PLXNA3: variants seen among roughly 807,000 people sequenced by gnomAD.
PLXNA3 encodes plexin A3, also known as plexin-A3.
A neutral mutation model predicts 118.8 loss-of-function variants in PLXNA3; 52 were observed. That is an observed-to-expected ratio of 0.44 (90% CI 0.35 to 0.55). The LOEUF (loss-of-function observed/expected upper bound fraction) is 0.55. Among genes scored for constraint, PLXNA3 ranks in the 20% least tolerant of loss-of-function variants. The pLI is 0.01. For missense variants in PLXNA3, 1,660 were observed against 1,730.8 expected, an observed-to-expected ratio of 0.96 and a Z score of 0.73; for synonymous variants, 925 against 762.4, an observed-to-expected ratio of 1.21 and a Z score of -3.51.
At chrX:154,470,869 T>TGGTC in intron 30 of PLXNA3, 1 of 445,843 alleles carries the variant, frequency 2.2e-6, no homozygotes, top group Admixed American at 4.0e-5. Flanking sequence ...GAGATGCTGG[T>TGGTC]GGTCGGTCGC....
In PLXNA3 at chrX:154,466,085, G is replaced by C; in HGVS notation, c.2678+5G>C. 1.7e-6 allele frequency: 2 copies of C among 1,208,970 alleles called. No homozygotes were observed. The highest frequency in any genetic ancestry group is 1.1e-6 in the Non-Finnish European group (1 of 894,008). ...CGAGTACATCAGTGCTGAGAGGTGA[G>C]TGCGGCTCTGTGGGTGCCCGGGCCG... On this transcript the variant is annotated splice_donor_5th_base_variant and intron_variant, in intron 14 of 32. Transcript: ENST00000369682.
Position 154,468,566 on chromosome X carries a change from G to A in PLXNA3, c.4220+7G>A. 1.7e-6 allele frequency: 2 copies of A among 1,208,826 alleles called. No individual in the cohort carries two copies. Among genetic ancestry groups the A allele is most frequent in the African/African-American group, 1.7e-5 (1 of 57,585 alleles). Reference sequence around the variant, plus strand: ...CCAAGCTGCTGCTACGCAGGTACCTGCCTTGCTCTATCCAGGCCACACCTT... The same window carrying A: ...CCAAGCTGCTGCTACGCAGGTACCTACCTTGCTCTATCCAGGCCACACCTT... On this transcript the variant is annotated splice_region_variant and intron_variant, in intron 23 of 32. Coordinates refer to ENST00000369682, the MANE Select transcript of PLXNA3 (RefSeq NM_017514.5).
At chrX:154,466,906 G>A (rs2069095710) in intron 17 of PLXNA3, 113 bp downstream of exon 17, 2 of 857,525 alleles carry the variant, frequency 2.3e-6, no homozygotes, top group Admixed American at 3.2e-5. Context: ...TTGGTGGAGG[G>A]GGTGGAGCTG....
rs782646925 is a variant in PLXNA3, at chrX:154,470,236, A to G, written c.4986+69A>G. 3.0e-5 allele frequency: 33 copies of G among 1,085,900 alleles called. 1 individual carries two copies. In the South Asian group the frequency reaches 4.8e-4, roughly 16 times the overall value. 89.5% of individuals were successfully genotyped at this position (1,085,900 alleles called of 1,213,427 possible). A position where few individuals can be genotyped will look rare whatever the true frequency, so the allele number is the denominator to read the frequency against. ...GTCCCGGCCTTACAGGGGAGGGGCC[A>G]TGGATCATTTGCTTCCAGTGGGCCT... On this transcript the variant is annotated intron_variant, in intron 29 of 32. Coordinates refer to ENST00000369682, the MANE Select transcript of PLXNA3 (RefSeq NM_017514.5).
At chrX:154,462,948 G>T (rs181816222) in intron 4 of PLXNA3, among the ~76,000 whole-genome samples, 1 of 111,300 alleles carries the variant, frequency 9.0e-6, no homozygotes, top group Non-Finnish European at 1.9e-5. Flanking sequence ...GCAGGGAAGG[G>T]TTTGTGGAGA....
Position 154,461,085 on chromosome X carries a change from C to T in PLXNA3, c.595-14C>T, listed in dbSNP as rs782167938. The T allele has an allele frequency of 1.7e-5, 20 of 1,178,146 alleles. No homozygotes were observed. Among genetic ancestry groups the T allele is most frequent in the Middle Eastern group, 2.4e-4 (1 of 4,225 alleles). ...GGGCCTCACCGGATGCTGTCTCCTC[C>T]CCCTGCTCCCCAGGTGTACCAGGAT... On this transcript the variant is annotated splice_polypyrimidine_tract_variant and intron_variant, in intron 2 of 32. Transcript: ENST00000369682.
intron 12 of PLXNA3, 45 bp from the exon 13 acceptor site, chrX:154,465,612 T>G: frequency 8.4e-7 from 1 of 1,185,945 alleles, no homozygotes; most frequent in Non-Finnish European, 1.1e-6. Context: ...CTTTCCACTT[T>G]TCTGCCACTG....
At chrX:154,466,595 G>A (rs781930241) in intron 16 of PLXNA3, 28 bp from the exon 17 acceptor site, 135 of 1,192,818 alleles carry the variant, frequency 1.1e-4, no homozygotes, top group Middle Eastern at 4.7e-4. Context: ...TGGGCCACCC[G>A]CTCCAAGCAC....
chrX:154,466,594 C>T (rs782757513), intron 16 of PLXNA3, 29 bp from the exon 17 acceptor site: 13 of 1,192,630 alleles, frequency 1.1e-5, no homozygotes, highest in South Asian at 3.7e-5. Context: ...CTGGGCCACC[C>T]GCTCCAAGCA....
intron 4 of PLXNA3, 57 bp downstream of exon 4, chrX:154,462,367 G>A: frequency 4.3e-6 from 3 of 696,007 alleles, no homozygotes; most frequent in Non-Finnish European, 5.8e-6. Context: ...TATGGGACAA[G>A]GCTGGTGGGA....
In PLXNA3 at chrX:154,466,237, C is replaced by G. The variant is rs1352330152; in HGVS notation, c.2766C>G (p.Phe922Leu). 2.5e-6 allele frequency: 3 copies of G among 1,208,020 alleles called. No homozygotes were observed. Among genetic ancestry groups the G allele is most frequent in the Non-Finnish European group, 3.4e-6 (3 of 895,239 alleles). Reference protein sequence around the residue: ...ELCVGDCSADFRTQSEQVYSF... With the variant: ...ELCVGDCSADLRTQSEQVYSF... ...GTGTGGGTGACTGTTCAGCCGACTT[C>G]CGCACGCAGTCGGAGCAGGTCTACA... Residue 922 changes from phenylalanine to leucine, a missense_variant, in exon 15 of 33, where the codon TTC (phenylalanine) becomes TTG (leucine). Phe to Leu is a conservative substitution (Grantham distance 22). This residue lies in a region of PLXNA3 where 869 missense variants were observed against 1,078.7 expected (regional missense o/e 0.81). Coordinates refer to ENST00000369682, the MANE Select transcript of PLXNA3 (RefSeq NM_017514.5).
rs782433047 is a variant in PLXNA3 at position 154,470,632 on chromosome X, G to A, written c.5156+21G>A. The stretch of plus-strand genomic sequence containing the variant: ...AACTGGTATCACCCCGTGCTGGGCT[G>A]CCAGCAGCCTGTCTGGAGACTGGTG... On this transcript the variant is annotated intron_variant, in intron 30 of 32. Coordinates refer to ENST00000369682, the MANE Select transcript of PLXNA3 (RefSeq NM_017514.5). The A allele has an allele frequency of 6.7e-6, 8 of 1,194,466 alleles. No homozygotes were observed. The South Asian group carries it at 1.4e-4, about 21-fold the overall frequency.
chrX:154,466,332 G>A, intron 15 of PLXNA3, 44 bp from the exon 16 acceptor site: 1 of 1,211,108 alleles, frequency 8.3e-7, no homozygotes, highest in Non-Finnish European at 1.1e-6. Flanking sequence ...GGCGTGTGGA[G>A]CAGCCCGGCC....
rs1047814995 is a variant in PLXNA3, at chrX:154,466,950, G to A, written c.3108-107G>A. ...GCACAGTACCCGGCACCCACTAGGCGATCCAGGGTCAGGGAAGGCCTGGGC... is the reference window on the plus strand; with the variant it reads ...GCACAGTACCCGGCACCCACTAGGCAATCCAGGGTCAGGGAAGGCCTGGGC... On this transcript the variant is annotated intron_variant, in intron 17 of 32. Transcript: ENST00000369682. 30 of 880,759 alleles carry A rather than the reference G, an allele frequency of 3.4e-5. No individual in the cohort carries two copies. In the African/African-American group the frequency reaches 4.2e-4, roughly 12 times the overall value. 72.6% of individuals were successfully genotyped at this position (880,759 alleles called of 1,213,427 possible).
rs782456804 is a variant in PLXNA3, at chrX:154,468,492, C to G, written c.4153C>G (p.Gln1385Glu). 8.3e-7 allele frequency: 1 copy of G among 1,211,309 alleles called. No individual in the cohort carries two copies. Among genetic ancestry groups the G allele is most frequent in the East Asian group, 3.0e-5 (1 of 33,858 alleles). ...RLDYATGLLKQLLADLIEKNL... is the reference protein window; with the variant it reads ...RLDYATGLLKELLADLIEKNL... ...CGACTATGCCACGGGGCTGCTCAAG[C>G]AACTGCTGGCCGACCTCATCGAGAA... Residue 1385 changes from glutamine to glutamate, a missense_variant, in exon 23 of 33, where the codon CAA (glutamine) becomes GAA (glutamate). This residue lies in a region of PLXNA3 where 869 missense variants were observed against 1,078.7 expected (regional missense o/e 0.81). Transcript: ENST00000369682.
Position 154,468,856 on chromosome X carries a change from T to C in PLXNA3, c.4321T>C (p.Cys1441Arg), listed in dbSNP as rs1232225472. 4.1e-6 allele frequency: 5 copies of C among 1,210,069 alleles called. No individual in the cohort carries two copies. Among genetic ancestry groups the C allele is most frequent in the Non-Finnish European group, 5.6e-6 (5 of 895,258 alleles). ...TGGGGAGCCTCTCTTCCTGCTTTAC[T>C]GTGCCATCAAGCAGCAGATGGAGAA... ...CAGEPLFLLY[C>R]AIKQQMEKGP... The change falls in exon 25 of 33, where the codon TGT becomes CGT. Residue 1441 changes from cysteine (C) to arginine (R), a missense_variant. Coordinates refer to ENST00000369682, the MANE Select transcript of PLXNA3 (RefSeq NM_017514.5).
rs1360247332 is a variant in PLXNA3 at position 154,477,475 on chromosome X, G to A, written c.*4790G>A. 1 of 114,311 alleles carries A rather than the reference G, an allele frequency of 8.7e-6. No individual in the cohort carries two copies. Among genetic ancestry groups the A allele is most frequent in the Admixed American group, 9.2e-5 (1 of 10,836 alleles). 9.4% of individuals were successfully genotyped at this position (114,311 alleles called of 1,213,427 possible). A position where few individuals can be genotyped will look rare whatever the true frequency, so the allele number is the denominator to read the frequency against. ...CGTTAGAGGAAAAAAGCTCATGTTA[G>A]ATTTAAAAATCAGGAAAAAAATTTA... On this transcript the variant is annotated 3_prime_UTR_variant, in exon 33 of 33. Coordinates refer to ENST00000369682, the MANE Select transcript of PLXNA3 (RefSeq NM_017514.5).
chrX:154,471,665 G>A (rs1281409580), intron 32 of PLXNA3, 27 bp downstream of exon 32: 2 of 1,182,613 alleles, frequency 1.7e-6, no homozygotes, highest in Non-Finnish European at 2.3e-6. Flanking sequence ...CAGACTCCCA[G>A]TTACTTGGTC....
In PLXNA3 at chrX:154,462,761, G is replaced by C. The variant is rs181506140; in HGVS notation, c.1317+451G>C. Among the ~76,000 whole-genome samples the C allele has an allele frequency of 2.7e-4, 30 of 111,239 alleles. No homozygotes were observed. In the East Asian group the frequency reaches 8.0e-3, roughly 30 times the overall value. ...TTCCCCTCCTACCCATGGGCCCGGG[G>C]GCTGAAGCTGCTTCCATTGGGGATC... On this transcript the variant is annotated intron_variant, in intron 4 of 32. Transcript: ENST00000369682.
Sources: gnomAD v4.1 joint callset for allele counts (sites outside exome capture counted in the v4.1 genomes callset) on GRCh38, gnomAD v4.1.1 for gene constraint, gnomAD v4.1.1 regional missense constraint, MANE v1.5 for transcripts, NCBI Gene and HGNC (gene_info 2026-07-23, HGNC 2026-07-21) for gene names.